Variants in ANO2 observed in about 807,000 individuals in gnomAD.
The protein encoded by ANO2 is anoctamin 2.
Under a neutral mutation model 124.2 loss-of-function variants are expected in ANO2, and 101 were observed. The ratio of observed to expected loss-of-function variants is 0.81; its 90% CI spans 0.69 to 0.96. The LOEUF is 0.96. Among genes scored for constraint, ANO2 ranks in the 40% least tolerant of loss-of-function variants. The probability of loss-of-function intolerance (pLI) is 0.00; values close to 1 mark genes in which losing one functional copy is unlikely to be tolerated. For missense variants in ANO2, 1,293 were observed against 1,274.5 expected, an observed-to-expected ratio of 1.01 and a Z score of -0.22; for synonymous variants, 486 against 482.5, an observed-to-expected ratio of 1.01 and a Z score of -0.09.
At chr12:5,661,780 T>C (rs1191149699) in intron 14 of ANO2, among the ~76,000 whole-genome samples, 1 of 152,220 alleles carries the variant, frequency 6.6e-6, no homozygotes, top group Non-Finnish European at 1.5e-5. Context: ...GGAATCTGTT[T>C]TTGAAAATGC....
At chr12:5,809,566 G>T (rs570073573) in intron 7 of ANO2, among the ~76,000 whole-genome samples, 1 of 152,194 alleles carries the variant, frequency 6.6e-6, no homozygotes, top group East Asian at 1.9e-4. Flanking sequence ...CACGGTAGCC[G>T]AGTGTCTGGA....
At chr12:5,756,772 G>A (rs1198105558) in intron 10 of ANO2, among the ~76,000 whole-genome samples, 1 of 152,230 alleles carries the variant, frequency 6.6e-6, no homozygotes, top group African/African-American at 2.4e-5. Flanking sequence ...CATGAGAGTA[G>A]GGCTGCATTT....
intron 3 of ANO2, among the ~76,000 whole-genome samples, chr12:5,887,585 T>C (rs1260474205): frequency 1.3e-5 from 2 of 152,230 alleles, no homozygotes; most frequent in East Asian, 3.9e-4. Context: ...CTCACTTCCA[T>C]CATTTTCTCA....
chr12:5,793,801 G>C (rs989082373), intron 10 of ANO2, among the ~76,000 whole-genome samples: 1 of 152,152 alleles, frequency 6.6e-6, no homozygotes, highest in African/African-American at 2.4e-5. Flanking sequence ...CCTTGAACTG[G>C]AGCTGGTAGC....
chr12:5,927,716 C>T (rs1051312352), intron 1 of ANO2, among the ~76,000 whole-genome samples: 1 of 152,228 alleles, frequency 6.6e-6, no homozygotes, highest in Non-Finnish European at 1.5e-5. Flanking sequence ...AAAGGTTCTG[C>T]AGAAGGCATA....
At chr12:5,612,506 C>T in intron 19 of ANO2, 150 bp downstream of exon 19, 1 of 670,780 alleles carries the variant, frequency 1.5e-6, no homozygotes, top group South Asian at 1.9e-5. Context: ...AAAGTTTGCC[C>T]CATGGGGAAA....
intron 3 of ANO2, among the ~76,000 whole-genome samples, chr12:5,901,270 T>C (rs1400603551): frequency 6.6e-6 from 1 of 151,976 alleles, no homozygotes; most frequent in Non-Finnish European, 1.5e-5. Flanking sequence ...CCAGACAGCA[T>C]TTGGACAGGA....
chr12:5,813,429 C>A (rs1265895504), intron 7 of ANO2, among the ~76,000 whole-genome samples: 2 of 152,210 alleles, frequency 1.3e-5, no homozygotes, highest in Non-Finnish European at 2.9e-5. Context: ...GATCTTCGGA[C>A]CTTGCCCCTG....
intron 3 of ANO2, among the ~76,000 whole-genome samples, chr12:5,887,878 A>C (rs1939056162): frequency 6.7e-6 from 1 of 150,292 alleles, no homozygotes; most frequent in South Asian, 2.1e-4. Flanking sequence ...TTTATGAGAG[A>C]GAGAAGAAAC....
At chr12:5,830,616 A>G (rs1954121183) in intron 5 of ANO2, 127 bp from the exon 6 acceptor site, 3 of 659,726 alleles carry the variant, frequency 4.5e-6, no homozygotes, top group South Asian at 2.7e-5. Flanking sequence ...GCACACACAC[A>G]CGATGTTTAT....
intron 24 of ANO2, 76 bp from the exon 25 acceptor site, chr12:5,563,644 CCT>C: frequency 6.4e-7 from 1 of 1,560,844 alleles, no homozygotes; most frequent in Non-Finnish European, 8.7e-7. Context: ...GAGCAGAATG[CCT>C]CTGTGTCAAT....
At chr12:5,743,883 C>G (rs1951182457) in intron 12 of ANO2, among the ~76,000 whole-genome samples, 1 of 152,154 alleles carries the variant, frequency 6.6e-6, no homozygotes, top group Admixed American at 6.5e-5. Flanking sequence ...TCAAAACAGG[C>G]ATTGGTTCAA....
intron 20 of ANO2, among the ~76,000 whole-genome samples, chr12:5,586,387 G>A (rs1943111778): frequency 6.6e-6 from 1 of 152,176 alleles, no homozygotes; most frequent in African/African-American, 2.4e-5. Flanking sequence ...ATTATCCAGT[G>A]GAATGACTCA....
At chr12:5,707,085 G>A (rs1326510450) in intron 14 of ANO2, among the ~76,000 whole-genome samples, 1 of 152,154 alleles carries the variant, frequency 6.6e-6, no homozygotes, top group Non-Finnish European at 1.5e-5. Flanking sequence ...CCCACATGTC[G>A]AGGGAGGGAC....
chr12:5,728,831 C>T (rs1256671795), intron 14 of ANO2, among the ~76,000 whole-genome samples: 1 of 152,170 alleles, frequency 6.6e-6, no homozygotes, highest in African/African-American at 2.4e-5. Context: ...CAGAAATAAA[C>T]TCTTACATTT....
chr12:5,866,400 A>G (rs1335693111), intron 3 of ANO2, among the ~76,000 whole-genome samples: 4 of 152,208 alleles, frequency 2.6e-5, no homozygotes, highest in Admixed American at 6.5e-5. Flanking sequence ...AGATCTGCTT[A>G]TGGGCTTCCT....
chr12:5,832,536 G>C lies in ANO2; in HGVS notation c.701C>G (p.Ser234Trp), dbSNP rs772006493. Residue 234 changes from serine (S) to tryptophan (W), a missense_variant, in exon 5 of 25, where the codon TCG becomes TGG. Physicochemically the swap from Ser to Trp is radical, Grantham distance 177. Coordinates refer to ENST00000682330, the MANE Select transcript of ANO2 (RefSeq NM_001364791.2). The part of the protein sequence containing the change: ...KFSAALQKLS[S>W]HLQPRVPEHS... ...TTCTGGAACTCGGGGCTGCAGGTGC[G>C]AGCTCAGCTTCTGCAGAGCCGCGCT... The C allele has an allele frequency of 5.6e-6, 9 of 1,613,804 alleles. No individual in the cohort carries two copies. The Admixed American group carries it at 8.3e-5, about 15-fold the overall frequency.
At chr12:5,675,188 C>G (rs1350976592) in intron 14 of ANO2, among the ~76,000 whole-genome samples, 1 of 152,226 alleles carries the variant, frequency 6.6e-6, no homozygotes, top group Non-Finnish European at 1.5e-5. Flanking sequence ...ATGCTACACT[C>G]TTCCTGCTCC....
intron 7 of ANO2, among the ~76,000 whole-genome samples, chr12:5,823,812 G>A (rs1273002936): frequency 4.6e-5 from 7 of 152,238 alleles, no homozygotes; most frequent in Non-Finnish European, 8.8e-5. Context: ...CACCCCTGCA[G>A]CAAACTTTCG....
Sources: allele counts gnomAD v4.1 joint callset (sites outside exome capture counted in the v4.1 genomes callset), GRCh38; gene constraint gnomAD v4.1.1; transcripts MANE v1.5; gene names NCBI Gene and HGNC (gene_info 2026-07-23, HGNC 2026-07-21).